Variants in CRACDL observed in about 807,000 individuals in gnomAD.
CRACDL encodes CRACD like.
CRACDL carries 26 observed loss-of-function variants against 70.6 expected under a neutral mutation model. The ratio of observed to expected loss-of-function variants is 0.37; its 90% CI spans 0.27 to 0.51. The LOEUF is 0.51. Ranked by LOEUF, CRACDL falls within the 20% of genes least tolerant of loss-of-function variation. CRACDL has a pLI of 0.94. For synonymous variants in CRACDL, 618 were observed against 615.2 expected, an observed-to-expected ratio of 1.00 and a Z score of -0.07; for missense variants, 1,283 against 1,376.9, an observed-to-expected ratio of 0.93 and a Z score of 1.08.
At chr2:98,873,408 C>G (rs544845410) in intron 1 of CRACDL, among the ~76,000 whole-genome samples, 1 of 152,244 alleles carries the variant, frequency 6.6e-6, no homozygotes, top group Non-Finnish European at 1.5e-5. Flanking sequence ...GTCCCCAGAA[C>G]ACAGCTTCCC....
At chr2:98,842,707 T>TAG (rs1706083119) in intron 2 of CRACDL, among the ~76,000 whole-genome samples, 1 of 152,196 alleles carries the variant, frequency 6.6e-6, no homozygotes, top group Non-Finnish European at 1.5e-5. Flanking sequence ...CACAATGCAT[T>TAG]AGAGGCTCAC....
At chr2:98,906,224 G>A (rs1708410573) in intron 1 of CRACDL, among the ~76,000 whole-genome samples, 1 of 150,838 alleles carries the variant, frequency 6.6e-6, no homozygotes. Context: ...ACTGCTCTTA[G>A]ATCCATCCAG....
rs142469281 is a variant in CRACDL at position 98,881,122 on chromosome 2, C to T, written c.-10-34312G>A. The stretch of plus-strand genomic sequence containing the variant: ...ATGGACACTTCTGTGTCTGGGGAGG[C>T]TGTGGCTTTGGTTTCTACCTGGAGG... On this transcript the variant is annotated intron_variant, in intron 1 of 9. Coordinates refer to ENST00000397899, the MANE Select transcript of CRACDL (RefSeq NM_207362.3). Among the ~76,000 whole-genome samples the T allele has an allele frequency of 2.2e-3, 328 of 152,300 alleles. 1 individual carries two copies. The highest frequency in any genetic ancestry group is 4.0e-3 in the Non-Finnish European group (270 of 68,022).
intron 1 of CRACDL, among the ~76,000 whole-genome samples, chr2:98,913,375 G>A (rs922880028): frequency 1.3e-5 from 2 of 152,188 alleles, no homozygotes; most frequent in African/African-American, 4.8e-5. Flanking sequence ...ACTCAGGGTG[G>A]TCCGTGGGCA....
chr2:98,934,195 CTTTTTTTTTTTT>C (rs34592936), intron 1 of CRACDL, among the ~76,000 whole-genome samples: 2 of 80,078 alleles, frequency 2.5e-5, no homozygotes, highest in East Asian at 3.4e-4. Flanking sequence ...AAGATTCATC[CTTTTTTTTTTTT>C]TTTTTTTTTG....
chr2:98,874,232 G>A (rs1017426685), intron 1 of CRACDL, among the ~76,000 whole-genome samples: 4 of 152,170 alleles, frequency 2.6e-5, no homozygotes, highest in South Asian at 2.1e-4. Flanking sequence ...CCACAGATAC[G>A]TTCTTTTCTC....
intron 1 of CRACDL, among the ~76,000 whole-genome samples, chr2:98,900,293 G>C (rs1174639671): frequency 2.3e-5 from 3 of 132,020 alleles, no homozygotes; most frequent in East Asian, 5.0e-4. Context: ...GGAGGTAGGG[G>C]ACAGAGGCTC....
intron 1 of CRACDL, among the ~76,000 whole-genome samples, chr2:98,874,857 T>C (rs1707442601): frequency 6.6e-6 from 1 of 152,094 alleles, no homozygotes; most frequent in South Asian, 2.1e-4. Context: ...TCCAAGGGTG[T>C]CACAAACACA....
At chr2:98,808,983 C>A (rs2104429245) in intron 7 of CRACDL, among the ~76,000 whole-genome samples, 1 of 152,290 alleles carries the variant, frequency 6.6e-6, no homozygotes, top group Non-Finnish European at 1.5e-5. Context: ...AAGCACTGCC[C>A]GATCCTGGTC....
At chr2:98,921,863 C>G (rs1045836217) in intron 1 of CRACDL, among the ~76,000 whole-genome samples, 2 of 152,130 alleles carry the variant, frequency 1.3e-5, no homozygotes, top group Non-Finnish European at 2.9e-5. Flanking sequence ...TGACTCTGCC[C>G]CAGGTCATGG....
intron 7 of CRACDL, among the ~76,000 whole-genome samples, chr2:98,798,443 C>CA (rs70940125): frequency 0.025 from 1,128 of 44,304 alleles, 156 homozygotes; most frequent in South Asian, 0.04. Context: ...GACTCCGTCT[C>CA]AAAAAAAAAA....
chr2:98,898,565 G>A (rs898777078), intron 1 of CRACDL, among the ~76,000 whole-genome samples: 6 of 152,232 alleles, frequency 3.9e-5, no homozygotes, highest in Non-Finnish European at 8.8e-5. Flanking sequence ...ATGGGCTTGC[G>A]GGAGCTGAGT....
chr2:98,830,999 T>C (rs995968437), intron 5 of CRACDL, among the ~76,000 whole-genome samples: 2 of 152,174 alleles, frequency 1.3e-5, no homozygotes, highest in African/African-American at 4.8e-5. Context: ...AAGTCACATC[T>C]GCTCCTGAGA....
chr2:98,895,009 G>A (rs913803665), intron 1 of CRACDL, among the ~76,000 whole-genome samples: 9 of 152,196 alleles, frequency 5.9e-5, no homozygotes, highest in African/African-American at 1.9e-4. Context: ...TACTCAGGAG[G>A]CTGAGGTTGG....
chr2:98,922,898 A>G (rs551498403), intron 1 of CRACDL, among the ~76,000 whole-genome samples: 1 of 152,232 alleles, frequency 6.6e-6, no homozygotes, highest in Non-Finnish European at 1.5e-5. Flanking sequence ...GGAAGCTAAA[A>G]AGAAATGAAA....
At chr2:98,884,040 G>A (rs1707727867) in intron 1 of CRACDL, among the ~76,000 whole-genome samples, 1 of 152,204 alleles carries the variant, frequency 6.6e-6, no homozygotes, top group African/African-American at 2.4e-5. Flanking sequence ...AGCGGCGTGT[G>A]TTGGGGGGAT....
intron 3 of CRACDL, among the ~76,000 whole-genome samples, chr2:98,836,319 C>T (rs1705780951): frequency 1.3e-5 from 2 of 152,112 alleles, no homozygotes; most frequent in African/African-American, 4.8e-5. Flanking sequence ...GCAGACTCTC[C>T]CACAGGCCAA....
intron 1 of CRACDL, among the ~76,000 whole-genome samples, chr2:98,900,854 C>T (rs951954864): frequency 3.9e-5 from 6 of 152,138 alleles, no homozygotes; most frequent in Non-Finnish European, 7.3e-5. Flanking sequence ...CAGAGCAGAT[C>T]AGTCACAGGA....
At chr2:98,845,456 G>C (rs1238752268) in intron 2 of CRACDL, among the ~76,000 whole-genome samples, 1 of 152,060 alleles carries the variant, frequency 6.6e-6, no homozygotes, top group Non-Finnish European at 1.5e-5. Context: ...CGGCCTCTCA[G>C]AGTGCTGGGA....
Sources: allele counts gnomAD v4.1 joint callset (sites outside exome capture counted in the v4.1 genomes callset), GRCh38; gene constraint gnomAD v4.1.1; transcripts MANE v1.5; gene names NCBI Gene and HGNC (gene_info 2026-07-23, HGNC 2026-07-21).